DEPDC4: variants seen among roughly 807,000 people sequenced by gnomAD.
The protein encoded by DEPDC4 is DEP domain containing 4.
Under a neutral mutation model 52.0 loss-of-function variants are expected in DEPDC4, and 52 were observed. That is an observed-to-expected ratio of 1.00 (90% CI 0.80 to 1.26). DEPDC4 has a LOEUF of 1.26. DEPDC4 is among the 50% of genes most tolerant of loss of function. The pLI is 0.00. For synonymous variants in DEPDC4, 201 were observed against 196.8 expected, an observed-to-expected ratio of 1.02 and a Z score of -0.18; for missense variants, 530 against 546.9, an observed-to-expected ratio of 0.97 and a Z score of 0.31.
At chr12:100,238,144 G>A, downstream of DEPDC4, 1 of 776,194 alleles carries the variant, frequency 1.3e-6, no homozygotes, top group Non-Finnish European at 1.6e-6. Flanking sequence ...ATGCAGATTA[G>A]GGCAGTTTTA....
chr12:100,252,451 C>T lies in DEPDC4; in HGVS notation c.1191G>A (p.Arg397=). Residue 397 remains arginine (R), a synonymous_variant, in exon 6 of 10, where the codon CGG becomes CGA. Coordinates refer to ENST00000550587, the MANE Select transcript of DEPDC4 (RefSeq NM_001364818.2). ...ATGCCATTGCCATAAAAGTAAGTAG[C>T]CGTCGTAATTCTTCTCTAATGTTCA... ...LLLNIREELR[R]LLTFMAMASE... 1 of 1,603,980 alleles carries T rather than the reference C, an allele frequency of 6.2e-7. No homozygotes were observed. Among genetic ancestry groups the T allele is most frequent in the Non-Finnish European group, 8.5e-7 (1 of 1,179,092 alleles).
the DEPDC4 span, among the ~76,000 whole-genome samples, chr12:100,277,794 T>C: frequency 6.6e-6 from 1 of 152,196 alleles, no homozygotes; most frequent in African/African-American, 2.4e-5. Flanking sequence ...TCTTTTCCGC[T>C]TCTTTTTATA....
chr12:100,249,652 C>T (rs899258428), intron 7 of DEPDC4, among the ~76,000 whole-genome samples: 5 of 152,218 alleles, frequency 3.3e-5, no homozygotes, highest in African/African-American at 9.6e-5. Flanking sequence ...AAGCTCACAT[C>T]TAGATAGCTC....
At chr12:100,244,801 C>A (rs189002622) in intron 8 of DEPDC4, among the ~76,000 whole-genome samples, 1 of 150,106 alleles carries the variant, frequency 6.7e-6, no homozygotes, top group Non-Finnish European at 1.5e-5. Flanking sequence ...CTCTGAACTT[C>A]CAAATTGTAC....
the DEPDC4 span, among the ~76,000 whole-genome samples, chr12:100,280,024 T>A: frequency 6.6e-6 from 1 of 152,236 alleles, no homozygotes; most frequent in African/African-American, 2.4e-5. Context: ...GATAGCTACT[T>A]GGAATTCTGC....
intron 3 of DEPDC4, among the ~76,000 whole-genome samples, chr12:100,260,396 C>T (rs1442982814): frequency 2.0e-5 from 3 of 151,450 alleles, no homozygotes; most frequent in Non-Finnish European, 4.4e-5. Context: ...GCTGGGATTA[C>T]AGGCGTGAGC....
At chr12:100,275,200 C>CT in the DEPDC4 span, among the ~76,000 whole-genome samples, 136 of 148,496 alleles carry the variant, frequency 9.2e-4, 2 homozygotes, top group South Asian at 0.015. Context: ...AATGCAATTT[C>CT]TTTTTTTTTT....
At chr12:100,256,862 C>G (rs2096235579) in intron 3 of DEPDC4, among the ~76,000 whole-genome samples, 2 of 151,760 alleles carry the variant, frequency 1.3e-5, no homozygotes, top group African/African-American at 4.8e-5. Flanking sequence ...AGGATGGTCT[C>G]GATCTCCTGA....
Position 100,253,559 on chromosome 12 carries a change from A to G in DEPDC4, c.1035T>C (p.Tyr345=). The change falls in exon 5 of 10, where the codon TAT becomes TAC. Residue 345 remains tyrosine, a synonymous_variant. Transcript: ENST00000550587. Reference sequence around the variant, plus strand: ...TTAATAGGCAATCTCTCTCTTGAGCATAGTATTTTGCTATGACATCAAAGA... The same window carrying G: ...TTAATAGGCAATCTCTCTCTTGAGCGTAGTATTTTGCTATGACATCAAAGA... ...KILFDVIAKY[Y]AQERDCLLTD... The G allele has an allele frequency of 7.8e-7, 1 of 1,288,970 alleles. No individual in the cohort carries two copies. Among genetic ancestry groups the G allele is most frequent in the Non-Finnish European group, 1.0e-6 (1 of 988,488 alleles). 79.8% of individuals were successfully genotyped at this position (1,288,970 alleles called of 1,614,324 possible).
chr12:100,267,366 C>A, upstream of DEPDC4: 1 of 309,126 alleles, frequency 3.2e-6, no homozygotes, highest in East Asian at 6.0e-5. Context: ...GGAAAGAGCC[C>A]CAGCACCGCC....
intron 3 of DEPDC4, among the ~76,000 whole-genome samples, chr12:100,260,602 A>G (rs1403118916): frequency 6.7e-6 from 1 of 150,238 alleles, no homozygotes; most frequent in Non-Finnish European, 1.5e-5. Flanking sequence ...ACGGCCAGGC[A>G]TGGTGGCTCA....
rs2096158915 is a variant in DEPDC4 at position 100,241,559 on chromosome 12, A to G, written c.*333T>C. ...ACAAAATAAAAATAAAAAATAAAACACTTAAAATCCTTTGAGATTATGCTT... is the reference window on the plus strand; with the variant it reads ...ACAAAATAAAAATAAAAAATAAAACGCTTAAAATCCTTTGAGATTATGCTT... On this transcript the variant is annotated 3_prime_UTR_variant, in exon 10 of 10. Transcript: ENST00000550587. 1.4e-6 allele frequency: 1 copy of G among 689,662 alleles called. No homozygotes were observed. Among genetic ancestry groups the G allele is most frequent in the African/African-American group, 2.0e-5 (1 of 50,756 alleles). 42.7% of individuals were successfully genotyped at this position (689,662 alleles called of 1,614,324 possible).
chr12:100,260,695 G>A (rs1197908930), intron 3 of DEPDC4, among the ~76,000 whole-genome samples: 2 of 149,884 alleles, frequency 1.3e-5, no homozygotes, highest in African/African-American at 2.5e-5. Flanking sequence ...GGCCAATATG[G>A]CAAAACCTCA....
chr12:100,254,200 C>G (rs974482958), intron 4 of DEPDC4, among the ~76,000 whole-genome samples: 2 of 151,956 alleles, frequency 1.3e-5, no homozygotes, highest in Admixed American at 1.3e-4. Flanking sequence ...CCGGTGACTC[C>G]TTTGGAAGGC....
Position 100,263,704 on chromosome 12 carries a change from G to C in DEPDC4, c.347C>G (p.Ser116Cys). Residue 116 changes from serine to cysteine, a missense_variant, in exon 2 of 10, where the codon TCT becomes TGT. Coordinates refer to ENST00000550587, the MANE Select transcript of DEPDC4 (RefSeq NM_001364818.2). ...QNTCLSSNDI[S>C]CLKGVHLCQV... ...GCAAAGATGAACCCCTTTAAGACAAGAGATGTCATTGCTACTTAGGCACGT... is the reference window on the plus strand; with the variant it reads ...GCAAAGATGAACCCCTTTAAGACAACAGATGTCATTGCTACTTAGGCACGT... The C allele has an allele frequency of 6.2e-7, 1 of 1,614,098 alleles. No individual in the cohort carries two copies. The highest frequency in any genetic ancestry group is 8.5e-7 in the Non-Finnish European group (1 of 1,180,010).
upstream of DEPDC4, among the ~76,000 whole-genome samples, chr12:100,269,562 A>T (rs2096285020): frequency 6.6e-6 from 1 of 152,174 alleles, no homozygotes; most frequent in Non-Finnish European, 1.5e-5. Flanking sequence ...ATTGTACTAA[A>T]CATTTTATCT....
At chr12:100,261,010 T>A (rs1367216718) in intron 3 of DEPDC4, among the ~76,000 whole-genome samples, 1 of 151,524 alleles carries the variant, frequency 6.6e-6, no homozygotes, top group East Asian at 2.0e-4. Flanking sequence ...GTGAAACCCG[T>A]GTCTACTAAA....
upstream of DEPDC4, among the ~76,000 whole-genome samples, chr12:100,271,315 T>C (rs1233799687): frequency 6.6e-6 from 1 of 151,576 alleles, no homozygotes; most frequent in East Asian, 1.9e-4. Context: ...ATCATCTTTC[T>C]TTAGATACAA....
rs930249768 is a variant in DEPDC4 at position 100,241,035 on chromosome 12, G to A, written c.*857C>T. ...TGCCACTGCACTCCAGCCTGGGACA[G>A]AGCAAGACTCCATTTCAAAAACAAA... On this transcript the variant is annotated 3_prime_UTR_variant, in exon 10 of 10. Coordinates refer to ENST00000550587, the MANE Select transcript of DEPDC4 (RefSeq NM_001364818.2). Among the ~76,000 whole-genome samples the A allele has an allele frequency of 1.3e-5, 2 of 152,136 alleles. No individual in the cohort carries two copies. The highest frequency in any genetic ancestry group is 4.8e-5 in the African/African-American group (2 of 41,440).
Sources: gnomAD v4.1 joint callset for allele counts (sites outside exome capture counted in the v4.1 genomes callset) on GRCh38, gnomAD v4.1.1 for gene constraint, MANE v1.5 for transcripts, NCBI Gene and HGNC (gene_info 2026-07-23, HGNC 2026-07-21) for gene names.